DAAM2: variants seen among roughly 807,000 people sequenced by gnomAD.
The protein encoded by DAAM2 is dishevelled associated activator of morphogenesis 2.
Under a neutral mutation model 120.7 loss-of-function variants are expected in DAAM2, and 39 were observed. The ratio of observed to expected loss-of-function variants is 0.32; its 90% CI spans 0.25 to 0.42. DAAM2 has a LOEUF of 0.42. DAAM2 is among the 10% of genes least tolerant of loss of function. The pLI is 1.00. For synonymous variants in DAAM2, 488 were observed against 524.9 expected (o/e 0.93, Z 0.96); for missense variants, 1,283 against 1,401.7 (o/e 0.92, Z 1.35).
intron 1 of DAAM2, among the ~76,000 whole-genome samples, chr6:39,835,827 GCC>G (rs556043045): frequency 1.8e-3 from 275 of 152,302 alleles, no homozygotes; most frequent in African/African-American, 6.3e-3. Flanking sequence ...ACTTGGAAGG[GCC>G]CTGTCTTGGG....
At chr6:39,821,298 TC>T (rs1183920982) in intron 1 of DAAM2, 3 of 152,098 alleles carry the variant, frequency 2.0e-5, no homozygotes, top group Non-Finnish European at 4.4e-5. Flanking sequence ...GGGCACTGCT[TC>T]AAATCAAGCA....
At chr6:39,814,276 C>G (rs1048548669) in intron 1 of DAAM2, among the ~76,000 whole-genome samples, 5 of 151,430 alleles carry the variant, frequency 3.3e-5, no homozygotes, top group African/African-American at 1.2e-4. Flanking sequence ...TCCAGTGTGG[C>G]CCAGGGAAGC....
chr6:39,835,858 C>T (rs1222489501), intron 1 of DAAM2, among the ~76,000 whole-genome samples: 1 of 152,102 alleles, frequency 6.6e-6, no homozygotes, highest in Admixed American at 6.5e-5. Context: ...GGGTGGGGAA[C>T]TGAGGGAAGT....
chr6:39,888,710 G>C lies in DAAM2; in HGVS notation c.2092G>C (p.Ala698Pro). The C allele has an allele frequency of 6.2e-7, 1 of 1,613,346 alleles. No individual in the cohort carries two copies. The highest frequency in any genetic ancestry group is 8.5e-7 in the Non-Finnish European group (1 of 1,179,500). The change falls in exon 17 of 25, where the codon GCC becomes CCC. Residue 698 changes from alanine to proline, a missense_variant. By Grantham distance (27) the Ala-to-Pro change is conservative. Around this residue, in one of 3 missense-constraint regions of DAAM2, gnomAD observed 748 missense variants for 768.6 expected, o/e 0.97. Transcript: ENST00000274867. Reference sequence around the variant, plus strand: ...GCTTTCTAACGAGGAGATCCGGCAGGCCATCTTGAAGATGGATGAGCAGGA... The same window carrying C: ...GCTTTCTAACGAGGAGATCCGGCAGCCCATCTTGAAGATGGATGAGCAGGA... The part of the protein sequence containing the change: ...LKLSNEEIRQ[A>P]ILKMDEQEDL...
chr6:39,847,794 C>A (rs9462579), intron 1 of DAAM2, among the ~76,000 whole-genome samples: 5,242 of 152,232 alleles, frequency 0.034, 123 homozygotes, highest in Non-Finnish European at 0.056. Context: ...TGTCTTCCCA[C>A]CCCATACAGT....
chr6:39,816,451 C>A (rs1315267925), intron 1 of DAAM2, among the ~76,000 whole-genome samples: 1 of 152,138 alleles, frequency 6.6e-6, no homozygotes, highest in East Asian at 1.9e-4. Context: ...CTTATTAACA[C>A]CCCGAGCCTC....
rs778962900 is a variant in DAAM2 at position 39,887,811 on chromosome 6, G to C, written c.2060+219G>C. On this transcript the variant is annotated intron_variant, in intron 16 of 24. Coordinates refer to ENST00000274867, the MANE Select transcript of DAAM2 (RefSeq NM_001201427.2). ...GAGGCCCTTGCCCAGCCTGGTCAGC[G>C]TCTGGCAGCTGAGTTGCTCTAAGCC... The C allele has an allele frequency of 9.8e-6, 5 of 511,442 alleles. No homozygotes were observed. The Admixed American group carries it at 9.8e-5, about 10-fold the overall frequency. 31.7% of individuals were successfully genotyped at this position (511,442 alleles called of 1,614,324 possible).
intron 3 of DAAM2, chr6:39,862,653 A>G (rs1284144568): frequency 6.6e-6 from 1 of 151,986 alleles, no homozygotes; most frequent in Non-Finnish European, 1.5e-5. Flanking sequence ...AAAAAATACA[A>G]AACTAGCCAG....
intron 5 of DAAM2, among the ~76,000 whole-genome samples, chr6:39,866,478 T>C (rs1375880862): frequency 6.6e-6 from 1 of 152,258 alleles, no homozygotes; most frequent in Non-Finnish European, 1.5e-5. Context: ...ATGTTATTTA[T>C]AATAATTTTC....
At position 39,868,557 on chromosome 6, in the gene DAAM2, G is replaced by A. The variant is rs1163644331; in HGVS notation, c.763-266G>A. 2.1e-5 allele frequency: 10 copies of A among 467,946 alleles called. No homozygotes were observed. The Admixed American group carries it at 3.5e-4, about 17-fold the overall frequency. The allele number at this position is 467,946 out of a possible 1,614,324, so 29.0% of individuals were successfully genotyped here. On this transcript the variant is annotated intron_variant, in intron 6 of 24. Coordinates refer to ENST00000274867, the MANE Select transcript of DAAM2 (RefSeq NM_001201427.2). Reference sequence around the variant, plus strand: ...TGGAGCACGATGATAAAGCAGCACTGAAGCACTGCTCAACCATGTAGACCA... The same window carrying A: ...TGGAGCACGATGATAAAGCAGCACTAAAGCACTGCTCAACCATGTAGACCA...
intron 23 of DAAM2, among the ~76,000 whole-genome samples, chr6:39,900,833 C>G (rs1277085591): frequency 6.6e-6 from 1 of 152,158 alleles, no homozygotes; most frequent in Non-Finnish European, 1.5e-5. Flanking sequence ...AGTGCCTGGC[C>G]TATATAAATA....
chr6:39,803,403 T>TC (rs2114016054), intron 1 of DAAM2, among the ~76,000 whole-genome samples: 1 of 152,310 alleles, frequency 6.6e-6, no homozygotes, highest in South Asian at 2.1e-4. Context: ...AGCTGAGAGT[T>TC]CACATGTTCT....
chr6:39,808,446 C>T (rs908223800), intron 1 of DAAM2, among the ~76,000 whole-genome samples: 1 of 152,088 alleles, frequency 6.6e-6, no homozygotes, highest in Admixed American at 6.6e-5. Context: ...CCATGAAGTC[C>T]TCCTTCCCTT....
At chr6:39,893,795 G>A (rs1405483093) in intron 19 of DAAM2, among the ~76,000 whole-genome samples, 1 of 152,206 alleles carries the variant, frequency 6.6e-6, no homozygotes, top group African/African-American at 2.4e-5. Flanking sequence ...TATAAGTGGA[G>A]AAAAGAGGAT....
In DAAM2 at chr6:39,847,374, G is replaced by A. The variant is rs149100853; in HGVS notation, c.-56-8873G>A. On this transcript the variant is annotated intron_variant, in intron 1 of 24. Transcript: ENST00000274867. ...GAAAGCTGGAGGCTCCTTTCCCTGC[G>A]CCTTTCAGTAACAGCAACCCCGTCT... Among the ~76,000 whole-genome samples, 471 of 152,248 alleles carry A rather than the reference G, an allele frequency of 3.1e-3. 2 individuals carry two copies. The highest frequency in any genetic ancestry group is 0.01 in the African/African-American group (432 of 41,542).
intron 1 of DAAM2, chr6:39,822,111 G>A (rs1490426512): frequency 1.3e-5 from 2 of 152,380 alleles, no homozygotes; most frequent in African/African-American, 4.8e-5. Flanking sequence ...CCCCAGAGCT[G>A]GAGTGAGAAG....
At chr6:39,809,193 C>T (rs1762094824) in intron 1 of DAAM2, among the ~76,000 whole-genome samples, 2 of 152,140 alleles carry the variant, frequency 1.3e-5, no homozygotes, top group South Asian at 4.1e-4. Flanking sequence ...GCAGGAGGGA[C>T]CACTTGGCAG....
intron 19 of DAAM2, among the ~76,000 whole-genome samples, chr6:39,895,897 A>G (rs188593422): frequency 1.1e-3 from 163 of 152,358 alleles, no homozygotes; most frequent in Non-Finnish European, 2.5e-4. Context: ...CAAAGGTTGG[A>G]AAAATCTTAA....
intron 1 of DAAM2, among the ~76,000 whole-genome samples, chr6:39,816,240 G>T (rs1454892407): frequency 1.3e-5 from 2 of 152,176 alleles, no homozygotes; most frequent in Admixed American, 1.3e-4. Context: ...TGCTGATACT[G>T]CTTATCTGAG....
Sources: gnomAD v4.1 joint callset for allele counts (sites outside exome capture counted in the v4.1 genomes callset) on GRCh38, gnomAD v4.1.1 for gene constraint, gnomAD v4.1.1 regional missense constraint, MANE v1.5 for transcripts, NCBI Gene and HGNC (gene_info 2026-07-23, HGNC 2026-07-21) for gene names.